KAZN: variants seen among roughly 807,000 people sequenced by gnomAD.
The protein encoded by KAZN is kazrin.
A neutral mutation model predicts 87.4 loss-of-function variants in KAZN; 40 were observed. That is an observed-to-expected ratio of 0.46 (90% CI 0.36 to 0.60). KAZN has a LOEUF of 0.60. Among genes scored for constraint, KAZN ranks in the 20% least tolerant of loss-of-function variants. KAZN has a pLI of 0.00. For missense variants in KAZN, 898 were observed against 1,073.9 expected (o/e 0.84, Z 2.29); for synonymous variants, 466 against 458.3 (o/e 1.02, Z -0.22).
intron 1 of KAZN, among the ~76,000 whole-genome samples, chr1:14,834,921 T>C (rs1326458767): frequency 6.6e-6 from 1 of 152,178 alleles, no homozygotes; most frequent in Non-Finnish European, 1.5e-5. Context: ...CACTCTCCCA[T>C]TTTAAATGAC....
chr1:14,727,450 CTTTTTTTTTTTTTTTTTTTT>C (rs57203868), intron 1 of KAZN, among the ~76,000 whole-genome samples: 40 of 73,900 alleles, frequency 5.4e-4, no homozygotes, highest in African/African-American at 1.4e-3. Context: ...TGTGCACTTT[CTTTTTTTTTTTTTTTTTTTT>C]TTTTTTTTTT....
intron 1 of KAZN, among the ~76,000 whole-genome samples, chr1:13,907,892 A>G (rs148511688): frequency 6.6e-6 from 1 of 152,328 alleles, no homozygotes; most frequent in East Asian, 1.9e-4. Flanking sequence ...AAGACTGTGT[A>G]GTTCGTAGAG....
chr1:14,475,720 T>A (rs1372395475), intron 2 of KAZN, among the ~76,000 whole-genome samples: 1 of 152,228 alleles, frequency 6.6e-6, no homozygotes, highest in Non-Finnish European at 1.5e-5. Flanking sequence ...TGTGAGTATG[T>A]GTGAATAATT....
intron 2 of KAZN, among the ~76,000 whole-genome samples, chr1:14,432,369 G>C (rs1290470628): frequency 6.6e-6 from 1 of 152,150 alleles, no homozygotes; most frequent in Non-Finnish European, 1.5e-5. Flanking sequence ...AGAAACGTCA[G>C]TTTAATCACA....
At chr1:15,054,387 A>C (rs1316860784) in intron 4 of KAZN, among the ~76,000 whole-genome samples, 3 of 152,074 alleles carry the variant, frequency 2.0e-5, no homozygotes, top group Admixed American at 6.6e-5. Context: ...CTGTGATGAA[A>C]AGAATGTGCA....
At chr1:14,736,304 T>TGTGTGTGTGTGTG (rs201679446) in intron 1 of KAZN, among the ~76,000 whole-genome samples, 2 of 134,492 alleles carry the variant, frequency 1.5e-5, no homozygotes, top group Non-Finnish European at 1.5e-5. Context: ...TGTGTGTATA[T>TGTGTGTGTGTGTG]TTTTTTTTTT....
intron 8 of KAZN, chr1:15,067,557 C>T (rs1027352366): frequency 2.0e-6 from 2 of 985,336 alleles, no homozygotes; most frequent in African/African-American, 1.7e-5. Context: ...CAACAGTAGT[C>T]GTGCTTTCTG....
At chr1:14,206,812 G>A (rs1336421014) in intron 2 of KAZN, among the ~76,000 whole-genome samples, 5 of 150,990 alleles carry the variant, frequency 3.3e-5, no homozygotes, top group East Asian at 1.9e-4. Context: ...ATGCCATAAC[G>A]TGGCCATGCC....
At chr1:14,697,140 CAA>C (rs1172632955) in intron 1 of KAZN, among the ~76,000 whole-genome samples, 10 of 67,772 alleles carry the variant, frequency 1.5e-4, no homozygotes, top group African/African-American at 1.5e-4. Context: ...AACAAACCAA[CAA>C]AAAAAAAAAA....
At chr1:14,571,120 A>G (rs916522811) in intron 2 of KAZN, among the ~76,000 whole-genome samples, 1 of 152,122 alleles carries the variant, frequency 6.6e-6, no homozygotes, top group African/African-American at 2.4e-5. Context: ...ACCCTTCACT[A>G]TATTTGGATT....
chr1:14,046,432 C>CAAAA (rs56153786), intron 1 of KAZN, among the ~76,000 whole-genome samples: 119,938 of 151,722 alleles, frequency 0.79, 47,878 homozygotes, highest in African/African-American at 0.9. Flanking sequence ...CAAAGCAAAA[C>CAAAA]CAAAAATAAA....
At chr1:14,855,933 C>A (rs191562390) in intron 1 of KAZN, among the ~76,000 whole-genome samples, 2 of 152,292 alleles carry the variant, frequency 1.3e-5, no homozygotes. Context: ...GCTTACAGAG[C>A]TACTGTCAAA....
At chr1:14,613,534 T>C (rs1180379654) in intron 1 of KAZN, among the ~76,000 whole-genome samples, 2 of 152,244 alleles carry the variant, frequency 1.3e-5, no homozygotes, top group Non-Finnish European at 2.9e-5. Context: ...GGCTCCTACA[T>C]TTTAGTAGTC....
At chr1:14,362,361 T>C (rs777182933) in intron 2 of KAZN, among the ~76,000 whole-genome samples, 2 of 152,248 alleles carry the variant, frequency 1.3e-5, no homozygotes, top group African/African-American at 4.8e-5. Flanking sequence ...CAACTCACAG[T>C]GTGGCAACTT....
chr1:14,998,303 C>T (rs1668107139), intron 2 of KAZN, among the ~76,000 whole-genome samples: 1 of 152,158 alleles, frequency 6.6e-6, no homozygotes, highest in African/African-American at 2.4e-5. Flanking sequence ...GCCTTCTCTG[C>T]GTCTTCTGTC....
intron 2 of KAZN, among the ~76,000 whole-genome samples, chr1:14,445,424 T>C (rs1277912408): frequency 1.3e-5 from 2 of 152,130 alleles, no homozygotes; most frequent in Non-Finnish European, 2.9e-5. Context: ...GTAATCCATC[T>C]ATGAGCTAAG....
intron 2 of KAZN, among the ~76,000 whole-genome samples, chr1:14,419,882 G>T (rs779807500): frequency 6.6e-6 from 1 of 152,158 alleles, no homozygotes; most frequent in African/African-American, 2.4e-5. Context: ...CACAGACAGT[G>T]AGACCCCAAA....
At chr1:14,584,131 C>G (rs1435733421) in intron 2 of KAZN, among the ~76,000 whole-genome samples, 1 of 152,200 alleles carries the variant, frequency 6.6e-6, no homozygotes, top group Non-Finnish European at 1.5e-5. Context: ...GTGCTCCTCC[C>G]CACTCCATGC....
At chr1:14,501,272 A>C (rs1670237556) in intron 2 of KAZN, among the ~76,000 whole-genome samples, 1 of 152,270 alleles carries the variant, frequency 6.6e-6, no homozygotes, top group East Asian at 1.9e-4. Flanking sequence ...AGCCAGCGCA[A>C]TTAAGCAAGA....
Sources: allele counts gnomAD v4.1 joint callset (sites outside exome capture counted in the v4.1 genomes callset), GRCh38; gene constraint gnomAD v4.1.1; transcripts MANE v1.5; gene names NCBI Gene and HGNC (gene_info 2026-07-23, HGNC 2026-07-21).